The following EPM2A variants were observed in gnomAD, a reference collection of about 807,000 sequenced individuals.
EPM2A encodes EPM2A glucan phosphatase, laforin, also known as laforin.
In EPM2A, 21 loss-of-function variants were observed where a neutral mutation model predicts 26.5. The ratio of observed to expected loss-of-function variants is 0.79; its 90% CI spans 0.56 to 1.14. The LOEUF is 1.14. EPM2A is among the 50% of genes most tolerant of loss of function. The probability of loss-of-function intolerance (pLI) is 0.00; values close to 1 mark genes in which losing one functional copy is unlikely to be tolerated. For missense variants in EPM2A, 458 were observed against 440.8 expected (o/e 1.04, Z -0.35); for synonymous variants, 217 against 177.6 (o/e 1.22, Z -1.76).
intron 1 of EPM2A, among the ~76,000 whole-genome samples, chr6:145,696,533 C>T (rs957538258): frequency 3.9e-5 from 6 of 151,994 alleles, no homozygotes; most frequent in African/African-American, 1.5e-4. Context: ...ACCCCATACA[C>T]ATATACAATT....
chr6:145,607,503 CT>C (rs1362472562), intron 2 of EPM2A, among the ~76,000 whole-genome samples: 1 of 152,218 alleles, frequency 6.6e-6, no homozygotes, highest in African/African-American at 2.4e-5. Flanking sequence ...ATTTTTGCCC[CT>C]TTTAAGGGGT....
Position 145,671,493 on chromosome 6 carries a change from CATTG to C in EPM2A, c.476+14625_476+14628del. The C allele has an allele frequency of 7.6e-6, 4 of 524,002 alleles. No individual in the cohort carries two copies. In the East Asian group the frequency reaches 4.5e-4, roughly 58 times the overall value. The allele number at this position is 524,002 out of a possible 1,614,324, so 32.5% of individuals were successfully genotyped here. A position where few individuals can be genotyped will look rare whatever the true frequency, so the allele number is the denominator to read the frequency against. On this transcript the variant is annotated intron_variant, in intron 2 of 3. Transcript: ENST00000367519. Reference sequence around the variant, plus strand: ...TATAAGCCTTAGCTTTTGAAATTAACATTGACATTAATCAGGTGTTAACCTTGAT... The same window carrying C: ...TATAAGCCTTAGCTTTTGAAATTAACACATTAATCAGGTGTTAACCTTGAT...
chr6:145,568,549 C>T (rs985567114), intron 2 of EPM2A, among the ~76,000 whole-genome samples: 1 of 152,064 alleles, frequency 6.6e-6, no homozygotes, highest in African/African-American at 2.4e-5. Context: ...TCTCGAACTC[C>T]CGACCTCAGA....
intron 1 of EPM2A, among the ~76,000 whole-genome samples, chr6:145,733,170 T>G (rs1022745791): frequency 2.6e-5 from 4 of 152,168 alleles, no homozygotes; most frequent in African/African-American, 9.7e-5. Flanking sequence ...CAGGAAGAAA[T>G]TGTAATATTT....
chr6:145,411,938 G>C lies in EPM2A; in HGVS notation c.556-27841C>G, dbSNP rs189624065. On this transcript the variant is annotated intron_variant, in intron 4 of 4. Coordinates refer to the EPM2A transcript ENST00000638717. ...CTTGACTTGATAAAGAATTTCATCT[G>C]ACTGGGTGTGGTGGCTCAAGCCTGT... Among the ~76,000 whole-genome samples the C allele has an allele frequency of 2.3e-3, 357 of 152,224 alleles. 4 individuals carry two copies. Among genetic ancestry groups the C allele is most frequent in the African/African-American group, 8.2e-3 (341 of 41,546 alleles).
intron 2 of EPM2A, among the ~76,000 whole-genome samples, chr6:145,543,471 A>C (rs994111176): frequency 1.3e-5 from 2 of 152,208 alleles, no homozygotes; most frequent in African/African-American, 4.8e-5. Context: ...TCTGCAGCTC[A>C]GAAACATTAA....
At chr6:145,490,423 C>A (rs1432707478) in intron 4 of EPM2A, 1 of 768,620 alleles carries the variant, frequency 1.3e-6, no homozygotes, top group Non-Finnish European at 2.3e-6. Context: ...TCTAGCAAAT[C>A]TTTCATGACA....
At chr6:145,468,193 T>C (rs999539183) in intron 4 of EPM2A, among the ~76,000 whole-genome samples, 2 of 152,096 alleles carry the variant, frequency 1.3e-5, no homozygotes, top group Non-Finnish European at 2.9e-5. Flanking sequence ...AGACATAATG[T>C]CCCAGGGTTT....
intron 1 of EPM2A, among the ~76,000 whole-genome samples, chr6:145,712,619 C>T (rs1347194212): frequency 6.6e-6 from 1 of 152,060 alleles, no homozygotes; most frequent in Non-Finnish European, 1.5e-5. Context: ...AGGCATTTTT[C>T]CTATTAACTT....
chr6:145,680,726 AT>A (rs1780460206), intron 2 of EPM2A, among the ~76,000 whole-genome samples: 1 of 152,054 alleles, frequency 6.6e-6, no homozygotes, highest in Non-Finnish European at 1.5e-5. Flanking sequence ...TGAACTCATC[AT>A]TTTTTATGGC....
intron 2 of EPM2A, among the ~76,000 whole-genome samples, chr6:145,515,368 T>C (rs1027963713): frequency 2.0e-5 from 3 of 152,162 alleles, no homozygotes; most frequent in East Asian, 1.9e-4. Flanking sequence ...ACAGATCAGA[T>C]TGGGGCCTCT....
At chr6:145,677,822 A>C (rs1278995749) in intron 2 of EPM2A, among the ~76,000 whole-genome samples, 1 of 152,248 alleles carries the variant, frequency 6.6e-6, no homozygotes, top group Non-Finnish European at 1.5e-5. Flanking sequence ...ATGGATAGGA[A>C]GAATCAATAT....
At chr6:145,424,670 G>A (rs931884407) in intron 4 of EPM2A, among the ~76,000 whole-genome samples, 1 of 152,144 alleles carries the variant, frequency 6.6e-6, no homozygotes, top group African/African-American at 2.4e-5. Flanking sequence ...GGGGCCTTTG[G>A]GAGATGATTA....
intron 3 of EPM2A, chr6:145,631,948 T>TG (rs555719121): frequency 6.6e-6 from 1 of 151,898 alleles, no homozygotes; most frequent in Admixed American, 6.6e-5. Flanking sequence ...ATATATTATG[T>TG]GGGGGGCATA....
At chr6:145,622,205 T>C (rs961154682), downstream of EPM2A, among the ~76,000 whole-genome samples, 24 of 152,276 alleles carry the variant, frequency 1.6e-4, no homozygotes, top group East Asian at 5.8e-4. Flanking sequence ...GTACAGGAAT[T>C]CATCCTGTCT....
intron 2 of EPM2A, among the ~76,000 whole-genome samples, chr6:145,545,976 C>T (rs527764791): frequency 1.3e-5 from 2 of 152,248 alleles, no homozygotes; most frequent in East Asian, 3.9e-4. Context: ...CTAATTCTCC[C>T]TTATTGCTCT....
chr6:145,414,268 G>A (rs1778679948), intron 4 of EPM2A, among the ~76,000 whole-genome samples: 2 of 151,978 alleles, frequency 1.3e-5, no homozygotes, highest in Admixed American at 6.6e-5. Flanking sequence ...GTGTGGATTT[G>A]ATACCAGTCT....
intron 2 of EPM2A, among the ~76,000 whole-genome samples, chr6:145,655,191 A>T (rs1778182338): frequency 2.0e-5 from 3 of 152,092 alleles, no homozygotes; most frequent in South Asian, 4.1e-4. Flanking sequence ...GCTGTGAAAA[A>T]AAAAAAAAAA....
At chr6:145,606,070 TA>T (rs1775250259) in intron 2 of EPM2A, among the ~76,000 whole-genome samples, 1 of 152,132 alleles carries the variant, frequency 6.6e-6, no homozygotes, top group Non-Finnish European at 1.5e-5. Flanking sequence ...TAGCAAAAGT[TA>T]AATTATTATG....
Sources: gnomAD v4.1 joint callset for allele counts (sites outside exome capture counted in the v4.1 genomes callset) on GRCh38, gnomAD v4.1.1 for gene constraint, MANE v1.5 for transcripts, NCBI Gene and HGNC (gene_info 2026-07-23, HGNC 2026-07-21) for gene names.